Variants in MEGF6 observed in about 807,000 individuals in gnomAD.
MEGF6 encodes multiple epidermal growth factor-like domains protein 6.
Under a neutral mutation model 207.1 loss-of-function variants are expected in MEGF6, and 184 were observed. That is an observed-to-expected ratio of 0.89 (90% CI 0.79 to 1.00). The LOEUF is 1.00. Ranked by LOEUF, MEGF6 falls within the 50% of genes least tolerant of loss-of-function variation. MEGF6 has a pLI of 0.00. For missense variants in MEGF6, 2,282 were observed against 2,202.9 expected (o/e 1.04, Z -0.72); for synonymous variants, 1,038 against 910.0 (o/e 1.14, Z -2.53).
intron 4 of MEGF6, among the ~76,000 whole-genome samples, chr1:3,549,340 C>A (rs773973771): frequency 2.7e-4 from 41 of 152,222 alleles, no homozygotes; most frequent in African/African-American, 9.7e-4. Flanking sequence ...CTGGGCACCA[C>A]GCAGACTGAT....
At chr1:3,600,076 A>G (rs1373091152) in intron 2 of MEGF6, among the ~76,000 whole-genome samples, 1 of 152,118 alleles carries the variant, frequency 6.6e-6, no homozygotes, top group Non-Finnish European at 1.5e-5. Context: ...GTCCCGCCTC[A>G]GCTGCCCCGG....
chr1:3,532,342 C>G (rs1215592471), intron 4 of MEGF6, among the ~76,000 whole-genome samples: 1 of 152,246 alleles, frequency 6.6e-6, no homozygotes, highest in East Asian at 1.9e-4. Flanking sequence ...CTTCTCGCAC[C>G]TATCCTTGGT....
chr1:3,580,013 G>GCTGGGTGGGCTGC, intron 3 of MEGF6, 84 bp from the exon 4 acceptor site: 1 of 994,614 alleles, frequency 1.0e-6, no homozygotes, highest in Middle Eastern at 2.8e-4. Context: ...TCTCGGGCAG[G>GCTGGGTGGGCTGC]CAGCCCACCC....
In MEGF6 at chr1:3,509,214, G is replaced by T. The variant is rs1439210226; in HGVS notation, c.1389C>A (p.Gly463=). The T allele has an allele frequency of 1.3e-6, 2 of 1,546,708 alleles. No homozygotes were observed. Among genetic ancestry groups the T allele is most frequent in the East Asian group, 2.5e-5 (1 of 40,698 alleles). The change falls in exon 12 of 37, where the codon GGC becomes GGA. Residue 463 remains glycine (G), a synonymous_variant. Coordinates refer to ENST00000356575, the MANE Select transcript of MEGF6 (RefSeq NM_001409.4). ...PLEEPMVDLD[G]ELPFVRPLPH... ...GCAGGGGCCGCACGAAAGGCAGCTC[G>T]CCGTCCAGGTCCACCATCGGCTCCT...
In MEGF6 at chr1:3,506,248, G is replaced by C. The variant is rs763848654; in HGVS notation, c.1790-12C>G. 6.2e-7 allele frequency: 1 copy of C among 1,606,962 alleles called. No individual in the cohort carries two copies. Among genetic ancestry groups the C allele is most frequent in the East Asian group, 2.2e-5 (1 of 44,670 alleles). On this transcript the variant is annotated splice_polypyrimidine_tract_variant and intron_variant, in intron 14 of 36. Coordinates refer to ENST00000356575, the MANE Select transcript of MEGF6 (RefSeq NM_001409.4). ...GCCCTTGGGGCAGCCTGGGGGCAGC[G>C]GGGCTCCATGTGAACCTTGGTGGCA... is the stretch of plus-strand genomic sequence containing the variant.
chr1:3,622,409 T>C, the MEGF6 span, among the ~76,000 whole-genome samples: 1 of 152,222 alleles, frequency 6.6e-6, no homozygotes, highest in Non-Finnish European at 1.5e-5. Context: ...CCCAGTCATG[T>C]GTAACTGTGA....
chr1:3,499,563 C>T (rs550561797), intron 23 of MEGF6, 25 bp downstream of exon 23: 131 of 1,562,142 alleles, frequency 8.4e-5, no homozygotes, highest in Middle Eastern at 3.9e-4. Context: ...TGCAGCACCC[C>T]GGGCTGAGCA....
chr1:3,500,965 C>A lies in MEGF6; in HGVS notation c.2575+1G>T, dbSNP rs1429082129. 7.4e-6 allele frequency: 12 copies of A among 1,611,448 alleles called. No homozygotes were observed. The African/African-American group carries it at 1.1e-4, about 14-fold the overall frequency. On this transcript the variant is annotated splice_donor_variant, in intron 20 of 36. Coordinates refer to ENST00000356575, the MANE Select transcript of MEGF6 (RefSeq NM_001409.4). LOFTEE classifies it high-confidence loss of function. ...AAAGGGCAAGCCAAGGGCCCCCGTA[C>A]CTCTCTGGCAGCTAAAGCCGGTCCA...
intron 6 of MEGF6, 86 bp downstream of exon 6, chr1:3,515,316 A>G (rs534062842): frequency 2.7e-6 from 4 of 1,483,488 alleles, no homozygotes; most frequent in East Asian, 5.0e-5. Flanking sequence ...GGCCTCCTGA[A>G]GACCCACTTC....
rs370321979 is a variant in MEGF6 at position 3,508,010 on chromosome 1, A to T, written c.1661-87T>A. 8.8e-6 allele frequency: 13 copies of T among 1,477,150 alleles called. 1 individual carries two copies. In the Middle Eastern group the frequency reaches 1.8e-3, roughly 203 times the overall value. The allele number at this position is 1,477,150 out of a possible 1,614,324, so 91.5% of individuals were successfully genotyped here. On this transcript the variant is annotated intron_variant, in intron 13 of 36. Transcript: ENST00000356575. ...CCTAGGGTTGGAGGCTTGGGTTTAG[A>T]AGCAGTTGCCTAGAGATAAAATGAT... is the stretch of plus-strand genomic sequence containing the variant.
the MEGF6 span, among the ~76,000 whole-genome samples, chr1:3,621,527 A>T: frequency 6.6e-6 from 1 of 152,246 alleles, no homozygotes; most frequent in East Asian, 1.9e-4. Context: ...ATTTACATAT[A>T]ATCATATCTA....
chr1:3,512,175 C>T (rs763132659), intron 7 of MEGF6, 47 bp from the exon 8 acceptor site: 1 of 1,557,844 alleles, frequency 6.4e-7, no homozygotes, highest in Non-Finnish European at 8.7e-7. Flanking sequence ...CCAGGAAGGG[C>T]CTTTGCATGG....
At chr1:3,585,751 ACATGTCCTGTGTGTGAGGACACT>A (rs1643884732) in intron 3 of MEGF6, among the ~76,000 whole-genome samples, 6 of 119,464 alleles carry the variant, frequency 5.0e-5, no homozygotes, top group Non-Finnish European at 6.7e-5. Context: ...TGTGAGTGAC[ACATGTCCTGTGTGTGAGGACACT>A]TGTCCTGTGT....
intron 4 of MEGF6, among the ~76,000 whole-genome samples, chr1:3,535,905 C>T (rs1642314001): frequency 6.6e-6 from 1 of 152,222 alleles, no homozygotes; most frequent in South Asian, 2.1e-4. Context: ...TCTGGTTGGG[C>T]ACAGGGTCTC....
At chr1:3,563,490 C>A (rs1643259883) in intron 4 of MEGF6, among the ~76,000 whole-genome samples, 1 of 152,204 alleles carries the variant, frequency 6.6e-6, no homozygotes, top group Admixed American at 6.5e-5. Context: ...ACTGTAGGTC[C>A]CTGAAAACAG....
chr1:3,493,201 G>A (rs1181403338), intron 34 of MEGF6: 3 of 227,362 alleles, frequency 1.3e-5, no homozygotes, highest in African/African-American at 4.6e-5. Flanking sequence ...GCTATCCTCA[G>A]GTGAGCCCCT....
chr1:3,493,527 C>G lies in MEGF6; in HGVS notation c.4387+244G>C, dbSNP rs137891882. The G allele has an allele frequency of 8.6e-3, 4,937 of 575,932 alleles. 33 individuals carry two copies. The highest frequency in any genetic ancestry group is 0.017 in the Middle Eastern group (37 of 2,144). 35.7% of individuals were successfully genotyped at this position (575,932 alleles called of 1,614,324 possible). A position where few individuals can be genotyped will look rare whatever the true frequency, so the allele number is the denominator to read the frequency against. On this transcript the variant is annotated intron_variant, in intron 34 of 36. Transcript: ENST00000356575. ...AGCCCCCTCCCATGACCATGGCCTT[C>G]CTGGGACGTTGTGGGGGCCACACGG... is the stretch of plus-strand genomic sequence containing the variant.
chr1:3,563,483 G>T (rs1302719848), intron 4 of MEGF6, among the ~76,000 whole-genome samples: 1 of 152,208 alleles, frequency 6.6e-6, no homozygotes, highest in Non-Finnish European at 1.5e-5. Flanking sequence ...CCACTGGACT[G>T]TAGGTCCCTG....
intron 4 of MEGF6, chr1:3,546,961 C>A (rs1642735284): frequency 5.4e-6 from 1 of 186,344 alleles, no homozygotes; most frequent in Non-Finnish European, 1.1e-5. Context: ...GGAAGGGAGG[C>A]CGAGGCAGGG....
Sources: allele counts gnomAD v4.1 joint callset (sites outside exome capture counted in the v4.1 genomes callset), GRCh38; gene constraint gnomAD v4.1.1; transcripts MANE v1.5; gene names NCBI Gene and HGNC (gene_info 2026-07-23, HGNC 2026-07-21).